The following ANKRD29 variants were observed in gnomAD, a reference collection of about 807,000 sequenced individuals.
ANKRD29 encodes ankyrin repeat domain 29.
ANKRD29 carries 32 observed loss-of-function variants against 38.0 expected under a neutral mutation model. That is an observed-to-expected ratio of 0.84 (90% CI 0.64 to 1.13). The LOEUF (loss-of-function observed/expected upper bound fraction) is 1.13. Ranked by LOEUF, ANKRD29 falls within the 50% of genes most tolerant of loss-of-function variation. The pLI is 0.00. For synonymous variants in ANKRD29, 135 were observed against 152.4 expected, an observed-to-expected ratio of 0.89 and a Z score of 0.84; for missense variants, 357 against 377.9, an observed-to-expected ratio of 0.94 and a Z score of 0.46.
At chr18:23,659,149 T>G (rs1346200663) in intron 1 of ANKRD29, among the ~76,000 whole-genome samples, 2 of 152,070 alleles carry the variant, frequency 1.3e-5, no homozygotes, top group Non-Finnish European at 2.9e-5. Context: ...GTCCAGCTAA[T>G]TTTTGTATTT....
At chr18:23,643,909 G>A (rs1253211583) in intron 3 of ANKRD29, among the ~76,000 whole-genome samples, 3 of 152,230 alleles carry the variant, frequency 2.0e-5, no homozygotes, top group South Asian at 4.1e-4. Flanking sequence ...TGCCATAGGA[G>A]TAAGTTTCAA....
chr18:23,611,368 C>T (rs1163951972), intron 9 of ANKRD29, among the ~76,000 whole-genome samples: 1 of 152,114 alleles, frequency 6.6e-6, no homozygotes, highest in African/African-American at 2.4e-5. Flanking sequence ...TCGCCTCCAC[C>T]AGGAGAGTGC....
chr18:23,644,395 G>A (rs564295796), intron 3 of ANKRD29, among the ~76,000 whole-genome samples: 1 of 152,244 alleles, frequency 6.6e-6, no homozygotes, highest in African/African-American at 2.4e-5. Context: ...AAGCAGAGAG[G>A]AAAAATAAAA....
At chr18:23,612,241 T>G in intron 8 of ANKRD29, 51 bp from the exon 9 acceptor site, 1 of 1,499,964 alleles carries the variant, frequency 6.7e-7, no homozygotes, top group Non-Finnish European at 9.2e-7. Context: ...GCCATTGGCA[T>G]TCAGCATGGC....
intron 1 of ANKRD29, among the ~76,000 whole-genome samples, chr18:23,656,027 A>G (rs2145739352): frequency 6.8e-6 from 1 of 146,362 alleles, no homozygotes; most frequent in South Asian, 2.2e-4. Context: ...CGGGAGGCGG[A>G]GCTTGCAGTG....
chr18:23,603,296 T>C (rs140454700), intron 9 of ANKRD29, among the ~76,000 whole-genome samples: 54 of 152,392 alleles, frequency 3.5e-4, no homozygotes, highest in African/African-American at 1.3e-3. Context: ...ATCAGTTCAC[T>C]GAGTTTGTAG....
chr18:23,626,101 AC>A (rs2059859080), intron 6 of ANKRD29, among the ~76,000 whole-genome samples: 1 of 151,678 alleles, frequency 6.6e-6, no homozygotes, highest in Non-Finnish European at 1.5e-5. Flanking sequence ...CCATTTCCAA[AC>A]CCCCAGGATT....
At chr18:23,632,851 G>A (rs1327150564) in intron 5 of ANKRD29, among the ~76,000 whole-genome samples, 1 of 152,162 alleles carries the variant, frequency 6.6e-6, no homozygotes, top group East Asian at 1.9e-4. Flanking sequence ...TGCAGAGGGT[G>A]AGGCTAGCTG....
At chr18:23,645,885 C>T (rs1199885796) in intron 3 of ANKRD29, among the ~76,000 whole-genome samples, 1 of 152,042 alleles carries the variant, frequency 6.6e-6, no homozygotes, top group Non-Finnish European at 1.5e-5. Flanking sequence ...ATAAATCCTA[C>T]AGTATCTCAT....
chr18:23,632,695 G>A (rs1013693834), intron 5 of ANKRD29, among the ~76,000 whole-genome samples: 2 of 151,908 alleles, frequency 1.3e-5, no homozygotes, highest in African/African-American at 4.8e-5. Context: ...GTCTGGAGTG[G>A]GCCTCAAAAT....
rs1187268229 is a variant in ANKRD29, at chr18:23,599,545, C to G, written c.*1681G>C. The G allele has an allele frequency of 6.6e-6, 1 of 152,182 alleles. No homozygotes were observed. 9.4% of individuals were successfully genotyped at this position (152,182 alleles called of 1,614,324 possible). On this transcript the variant is annotated 3_prime_UTR_variant, in exon 10 of 10. Coordinates refer to ENST00000592179, the MANE Select transcript of ANKRD29 (RefSeq NM_173505.4). Reference sequence around the variant, plus strand: ...ATTTTCCTCTTCAAAATGAATATAGCTTTTTGAAATTCGCACAGGAGAAAA... The same window carrying G: ...ATTTTCCTCTTCAAAATGAATATAGGTTTTTGAAATTCGCACAGGAGAAAA...
At chr18:23,658,175 G>A (rs1269068458) in intron 1 of ANKRD29, among the ~76,000 whole-genome samples, 1 of 152,206 alleles carries the variant, frequency 6.6e-6, no homozygotes, top group African/African-American at 2.4e-5. Flanking sequence ...GGAGGCCAAA[G>A]CAGGAGGATT....
chr18:23,645,141 G>T (rs1234012898), intron 3 of ANKRD29, among the ~76,000 whole-genome samples: 1 of 152,226 alleles, frequency 6.6e-6, no homozygotes, highest in African/African-American at 2.4e-5. Context: ...GACTTGCCCA[G>T]GAAGCCCATC....
At chr18:23,652,910 T>A (rs1264716510) in intron 1 of ANKRD29, among the ~76,000 whole-genome samples, 1 of 152,238 alleles carries the variant, frequency 6.6e-6, no homozygotes, top group African/African-American at 2.4e-5. Context: ...AGTACAGTCA[T>A]GTAATATATA....
intron 1 of ANKRD29, among the ~76,000 whole-genome samples, chr18:23,651,957 A>T (rs982454906): frequency 2.0e-5 from 3 of 152,202 alleles, no homozygotes; most frequent in Non-Finnish European, 4.4e-5. Context: ...AGGGAATAGG[A>T]AAGTGGATTG....
At chr18:23,636,662 C>G (rs554407366) in intron 4 of ANKRD29, among the ~76,000 whole-genome samples, 10 of 152,226 alleles carry the variant, frequency 6.6e-5, no homozygotes, top group Admixed American at 5.2e-4. Context: ...CAGCCTTGAC[C>G]TCCCAGGCTC....
intron 6 of ANKRD29, among the ~76,000 whole-genome samples, chr18:23,626,400 G>A (rs7231335): frequency 0.059 from 9,026 of 152,212 alleles, 950 homozygotes; most frequent in African/African-American, 0.21. Context: ...AATAAGGTGG[G>A]TGAGTGGAGT....
chr18:23,657,498 A>T (rs143927793), intron 1 of ANKRD29, among the ~76,000 whole-genome samples: 8 of 152,316 alleles, frequency 5.3e-5, no homozygotes, highest in African/African-American at 1.9e-4. Flanking sequence ...AAAGCATACA[A>T]TCCAGTGGGT....
At chr18:23,610,146 C>T (rs1402128244) in intron 9 of ANKRD29, among the ~76,000 whole-genome samples, 1 of 152,190 alleles carries the variant, frequency 6.6e-6, no homozygotes, top group Admixed American at 6.5e-5. Context: ...ATATCCTCCT[C>T]TATTCGTAAA....
Sources: gnomAD v4.1 joint callset for allele counts (sites outside exome capture counted in the v4.1 genomes callset) on GRCh38, gnomAD v4.1.1 for gene constraint, MANE v1.5 for transcripts, NCBI Gene and HGNC (gene_info 2026-07-23, HGNC 2026-07-21) for gene names.